TTC29: variants seen among roughly 807,000 people sequenced by gnomAD.
TTC29 encodes the protein tetratricopeptide repeat domain 29, also known as tetratricopeptide repeat protein 29.
TTC29 carries 49 observed loss-of-function variants against 58.1 expected under a neutral mutation model. The ratio of observed to expected loss-of-function variants is 0.84; its 90% CI spans 0.67 to 1.07. TTC29 has a LOEUF of 1.07. Among genes scored for constraint, TTC29 ranks in the 50% least tolerant of loss-of-function variants. The pLI is 0.00. For missense variants in TTC29, 582 were observed against 555.6 expected (o/e 1.05, Z -0.48); for synonymous variants, 209 against 196.8 (o/e 1.06, Z -0.52).
intron 9 of TTC29, among the ~76,000 whole-genome samples, chr4:146,826,397 G>C (rs963297469): frequency 6.6e-6 from 1 of 152,072 alleles, no homozygotes; most frequent in Non-Finnish European, 1.5e-5. Flanking sequence ...TGAAATTCTG[G>C]ATTGAAAATT....
chr4:146,894,244 G>A lies in TTC29; in HGVS notation c.586+9300C>T, dbSNP rs1453574602. On this transcript the variant is annotated intron_variant, in intron 6 of 12. Transcript: ENST00000325106. Reference sequence around the variant, plus strand: ...ACACATGCACACGTATGTTTATTGCGGCACTATTCACAATAGCAAAGACTT... The same window carrying A: ...ACACATGCACACGTATGTTTATTGCAGCACTATTCACAATAGCAAAGACTT... Among the ~76,000 whole-genome samples, 7 of 151,886 alleles carry A rather than the reference G, an allele frequency of 4.6e-5. No individual in the cohort carries two copies. The East Asian group carries it at 7.7e-4, about 17-fold the overall frequency.
intron 11 of TTC29, among the ~76,000 whole-genome samples, chr4:146,751,082 T>C (rs1745954159): frequency 6.6e-6 from 1 of 152,154 alleles, no homozygotes. Flanking sequence ...TTGGATAAGA[T>C]AGACTTCAAG....
rs568711674 is a variant in TTC29 at position 146,709,240 on chromosome 4, A to G, written c.1331-1689T>C. On this transcript the variant is annotated intron_variant, in intron 11 of 12. Coordinates refer to ENST00000325106, the MANE Select transcript of TTC29 (RefSeq NM_031956.4). Reference sequence around the variant, plus strand: ...CATTAATTCTCCTGGTCATACTTAGACCTTGTCATTATCAGTAACTATGAG... The same window carrying G: ...CATTAATTCTCCTGGTCATACTTAGGCCTTGTCATTATCAGTAACTATGAG... 2.4e-4 allele frequency among the ~76,000 whole-genome samples: 37 copies of G among 152,052 alleles called. 1 individual carries two copies. The Middle Eastern group carries it at 0.01, about 42-fold the overall frequency.
chr4:146,822,124 A>T (rs1385866780), intron 9 of TTC29, among the ~76,000 whole-genome samples: 7 of 149,508 alleles, frequency 4.7e-5, no homozygotes, highest in African/African-American at 1.5e-4. Context: ...TTTCTTTTAA[A>T]AAAAAAAAAA....
At chr4:146,756,706 G>C (rs912740833) in intron 11 of TTC29, among the ~76,000 whole-genome samples, 2 of 151,660 alleles carry the variant, frequency 1.3e-5, no homozygotes, top group African/African-American at 4.8e-5. Flanking sequence ...AGACTTCTTG[G>C]AGTCTTTGTT....
intron 8 of TTC29, among the ~76,000 whole-genome samples, chr4:146,839,357 C>T (rs1320721326): frequency 6.6e-6 from 1 of 151,922 alleles, no homozygotes; most frequent in Non-Finnish European, 1.5e-5. Flanking sequence ...ATGTTCCCAA[C>T]ACAAAGATAA....
intron 6 of TTC29, among the ~76,000 whole-genome samples, chr4:146,898,311 G>A (rs554266167): frequency 7.2e-4 from 109 of 152,250 alleles, no homozygotes; most frequent in African/African-American, 2.4e-3. Context: ...AGGGAGTGCT[G>A]GTAGTTATTT....
At chr4:146,786,980 G>T (rs1288865211) in intron 11 of TTC29, among the ~76,000 whole-genome samples, 1 of 152,096 alleles carries the variant, frequency 6.6e-6, no homozygotes, top group Non-Finnish European at 1.5e-5. Flanking sequence ...AATTAGCTGG[G>T]TGTGGTGGTA....
At chr4:146,755,175 G>T (rs1320958110) in intron 11 of TTC29, among the ~76,000 whole-genome samples, 1 of 152,042 alleles carries the variant, frequency 6.6e-6, no homozygotes, top group Non-Finnish European at 1.5e-5. Context: ...AACCAAGGAA[G>T]TGAAAAGTCT....
intron 4 of TTC29, among the ~76,000 whole-genome samples, chr4:146,913,464 AT>A (rs1433970769): frequency 6.6e-6 from 1 of 151,852 alleles, no homozygotes; most frequent in Non-Finnish European, 1.5e-5. Context: ...GAAATAACCA[AT>A]CCCACGTTGT....
intron 7 of TTC29, among the ~76,000 whole-genome samples, chr4:146,868,026 G>A (rs539868785): frequency 1.3e-3 from 205 of 152,196 alleles, no homozygotes; most frequent in African/African-American, 4.7e-3. Flanking sequence ...CTTAAATGGT[G>A]CACAAACATT....
Position 146,796,934 on chromosome 4 carries a change from G to A in TTC29, c.1330+6523C>T, listed in dbSNP as rs527548664. 1.4e-4 allele frequency among the ~76,000 whole-genome samples: 21 copies of A among 152,038 alleles called. No homozygotes were observed. The South Asian group carries it at 4.2e-3, about 30-fold the overall frequency. On this transcript the variant is annotated intron_variant, in intron 11 of 12. Transcript: ENST00000325106. The stretch of plus-strand genomic sequence containing the variant: ...GTGCAGTAGGCTGTGATGATCTGGG[G>A]CCCCAAAATACCCAGTATCAAAATA...
At chr4:146,928,890 G>T (rs1735119675) in intron 4 of TTC29, among the ~76,000 whole-genome samples, 3 of 152,028 alleles carry the variant, frequency 2.0e-5, no homozygotes, top group Admixed American at 2.0e-4. Flanking sequence ...TGAGCCAAAG[G>T]TTTCCTAGCA....
intron 8 of TTC29, among the ~76,000 whole-genome samples, chr4:146,846,771 C>T (rs1463136919): frequency 6.6e-6 from 1 of 152,180 alleles, no homozygotes; most frequent in African/African-American, 2.4e-5. Flanking sequence ...GCAAAGCCAT[C>T]ATCTATTCAT....
At chr4:146,831,663 G>C (rs957686681) in intron 9 of TTC29, 2 of 422,924 alleles carry the variant, frequency 4.7e-6, no homozygotes, top group African/African-American at 2.0e-5. Context: ...AAATTCACCA[G>C]ATAATTGTTC....
At chr4:146,723,258 A>T (rs1479181663) in intron 11 of TTC29, among the ~76,000 whole-genome samples, 1 of 151,688 alleles carries the variant, frequency 6.6e-6, no homozygotes, top group East Asian at 1.9e-4. Context: ...AAAAAAAAAA[A>T]TTAAATGTAA....
At chr4:146,712,163 T>TA (rs1742545296) in intron 11 of TTC29, among the ~76,000 whole-genome samples, 1 of 152,136 alleles carries the variant, frequency 6.6e-6, no homozygotes, top group South Asian at 2.1e-4. Flanking sequence ...CCATTACCAA[T>TA]AAAAGGCTTA....
rs112200938 is a variant in TTC29 at position 146,813,813 on chromosome 4, G to A, written c.1101+6312C>T. Among the ~76,000 whole-genome samples the A allele has an allele frequency of 7.3e-3, 1,111 of 152,224 alleles. 14 individuals carry two copies. Among genetic ancestry groups the A allele is most frequent in the African/African-American group, 0.026 (1,060 of 41,520 alleles). ...AACCTGGCCAACATGGTGAAACCCC[G>A]TCTCTATGAAAAATACAAAAATTAG... On this transcript the variant is annotated intron_variant, in intron 10 of 12. Transcript: ENST00000325106.
At chr4:146,713,717 G>A (rs930977930) in intron 11 of TTC29, among the ~76,000 whole-genome samples, 9 of 152,034 alleles carry the variant, frequency 5.9e-5, no homozygotes, top group Admixed American at 4.6e-4. Flanking sequence ...GCAAAGATCA[G>A]AAGTATATTC....
Sources: gnomAD v4.1 joint callset for allele counts (sites outside exome capture counted in the v4.1 genomes callset) on GRCh38, gnomAD v4.1.1 for gene constraint, MANE v1.5 for transcripts, NCBI Gene and HGNC (gene_info 2026-07-23, HGNC 2026-07-21) for gene names.